PRRC2B: variants seen among roughly 807,000 people sequenced by gnomAD.
The protein encoded by PRRC2B is proline rich coiled-coil 2B.
A neutral mutation model predicts 242.3 loss-of-function variants in PRRC2B; 68 were observed. The ratio of observed to expected loss-of-function variants is 0.28; its 90% confidence interval spans 0.23 to 0.34. PRRC2B has a LOEUF of 0.34. Among genes scored for constraint, PRRC2B ranks in the 10% least tolerant of loss-of-function variants. The pLI is 1.00. For synonymous variants in PRRC2B, 1,228 were observed against 1,173.6 expected (o/e 1.05, Z -0.95); for missense variants, 2,835 against 2,954.8 (o/e 0.96, Z 0.94).
intron 9 of PRRC2B, 185 bp downstream of exon 9, chr9:131,447,989 G>T (rs1588256860): frequency 2.0e-6 from 1 of 489,408 alleles, no homozygotes; most frequent in East Asian, 3.2e-5. Flanking sequence ...GTTCCTTCCT[G>T]GCCAAGCCAT....
rs535175180 is a variant in PRRC2B at position 131,477,170 on chromosome 9, C to T, written c.4407-574C>T. ...GCACAGTCTGGGTTGACTGACTGCACTTGGCTTGTGCCTCGGACAGGGAGG... is the reference window on the plus strand; with the variant it reads ...GCACAGTCTGGGTTGACTGACTGCATTTGGCTTGTGCCTCGGACAGGGAGG... On this transcript the variant is annotated intron_variant, in intron 16 of 31. Coordinates refer to ENST00000683519, the MANE Select transcript of PRRC2B (RefSeq NM_013318.4). Among the ~76,000 whole-genome samples the T allele has an allele frequency of 1.4e-4, 21 of 152,332 alleles. No individual in the cohort carries two copies. The South Asian group carries it at 4.1e-3, about 30-fold the overall frequency.
intron 1 of PRRC2B, among the ~76,000 whole-genome samples, chr9:131,382,099 C>T (rs945867737): frequency 3.9e-5 from 6 of 152,128 alleles, no homozygotes; most frequent in Non-Finnish European, 8.8e-5. Flanking sequence ...TCACTGCAAC[C>T]TCCGCCTCCT....
rs144455890 is a variant in PRRC2B at position 131,387,220 on chromosome 9, C to T, written c.-56+13489C>T. On this transcript the variant is annotated intron_variant, in intron 1 of 1. Transcript: ENST00000682525. ...TTCTCCATGTTGGTCAGGCTGGTCT[C>T]GAACTCCCGATCTCAGGTGATCCGC... Among the ~76,000 whole-genome samples the T allele has an allele frequency of 8.7e-3, 1,306 of 150,374 alleles. 78 individuals carry two copies. Among genetic ancestry groups the T allele is most frequent in the Admixed American group, 0.014 (204 of 14,436 alleles).
At chr9:131,388,469 A>G (rs1836854731) in intron 1 of PRRC2B, among the ~76,000 whole-genome samples, 1 of 149,292 alleles carries the variant, frequency 6.7e-6, no homozygotes, top group South Asian at 2.1e-4. Flanking sequence ...TGAACTCCCA[A>G]CCTCAGGTGA....
chr9:131,499,103 A>G lies in PRRC2B; in HGVS notation c.*3229A>G, dbSNP rs1042876815. 1 of 152,228 alleles carries G rather than the reference A, an allele frequency of 6.6e-6. No individual in the cohort carries two copies. Among genetic ancestry groups the G allele is most frequent in the Non-Finnish European group, 1.5e-5 (1 of 68,044 alleles). 9.4% of individuals were successfully genotyped at this position (152,228 alleles called of 1,614,324 possible). A position where few individuals can be genotyped will look rare whatever the true frequency, so the allele number is the denominator to read the frequency against. On this transcript the variant is annotated 3_prime_UTR_variant, in exon 32 of 32. Transcript: ENST00000683519. ...ATTCAAGAAAATCAGTTCAGTTCCA[A>G]AGCTGTGGTCCTTCCAGCCACTTCT...
At chr9:131,450,267 A>ATTT in intron 9 of PRRC2B, among the ~76,000 whole-genome samples, 1 of 145,424 alleles carries the variant, frequency 6.9e-6, no homozygotes. Context: ...GACATCTTAA[A>ATTT]TTTTTTTTTT....
At chr9:131,420,592 A>G (rs1024222267) in intron 1 of PRRC2B, among the ~76,000 whole-genome samples, 3 of 147,424 alleles carry the variant, frequency 2.0e-5, no homozygotes, top group Non-Finnish European at 4.5e-5. Flanking sequence ...CTTGGGTTCA[A>G]GTGAGTCCTG....
chr9:131,438,720 G>T (rs1838458427), intron 4 of PRRC2B, among the ~76,000 whole-genome samples: 1 of 152,170 alleles, frequency 6.6e-6, no homozygotes, highest in Non-Finnish European at 1.5e-5. Context: ...CTGTGTCACT[G>T]TCTGTGTGAC....
chr9:131,402,840 C>T (rs538403443), intron 1 of PRRC2B, among the ~76,000 whole-genome samples: 41 of 152,306 alleles, frequency 2.7e-4, no homozygotes, highest in African/African-American at 8.7e-4. Context: ...GCCTGCTTTC[C>T]AGAGAGTGCC....
At position 131,406,101 on chromosome 9, in the gene PRRC2B, CG is replaced by C. The variant is rs151032636; in HGVS notation, c.-52+11843del. Among the ~76,000 whole-genome samples, 1,449 of 152,156 alleles carry C rather than the reference CG, an allele frequency of 9.5e-3. 32 individuals carry two copies. Among genetic ancestry groups the C allele is most frequent in the African/African-American group, 0.033 (1,373 of 41,532 alleles). ...CTGGATTCAGCCCTCCCCGGGGGCCCGGGGGTTTGGAGCAGGCAGGCTTTTG... is the reference window on the plus strand; with the variant it reads ...CTGGATTCAGCCCTCCCCGGGGGCCCGGGGTTTGGAGCAGGCAGGCTTTTG... On this transcript the variant is annotated intron_variant, in intron 1 of 31. Coordinates refer to ENST00000683519, the MANE Select transcript of PRRC2B (RefSeq NM_013318.4).
At chr9:131,399,976 C>T (rs1837185675) in intron 1 of PRRC2B, among the ~76,000 whole-genome samples, 1 of 152,184 alleles carries the variant, frequency 6.6e-6, no homozygotes, top group South Asian at 2.1e-4. Flanking sequence ...AGTGGAATTT[C>T]TGGGGTCAGA....
intron 1 of PRRC2B, among the ~76,000 whole-genome samples, chr9:131,385,375 A>G (rs1180919041): frequency 3.3e-5 from 5 of 149,512 alleles, no homozygotes; most frequent in Non-Finnish European, 5.9e-5. Context: ...GGGTCCCCCA[A>G]ATGTCCTGGG....
chr9:131,460,256 G>A (rs1452382172), intron 11 of PRRC2B, among the ~76,000 whole-genome samples: 4 of 152,086 alleles, frequency 2.6e-5, no homozygotes, highest in African/African-American at 7.2e-5. Context: ...GTCCTTACTC[G>A]AAATAATCCA....
chr9:131,467,445 T>A lies in PRRC2B; in HGVS notation c.1721-118T>A, dbSNP rs1037642050. The stretch of plus-strand genomic sequence containing the variant: ...GGCACAGGGCCAGGGTTCAGGGACG[T>A]GACTGTTCTAGCAGTGGAGCGTACG... On this transcript the variant is annotated intron_variant, in intron 12 of 31. Coordinates refer to ENST00000683519, the MANE Select transcript of PRRC2B (RefSeq NM_013318.4). 9.0e-6 allele frequency: 8 copies of A among 890,112 alleles called. No homozygotes were observed. In the East Asian group the frequency reaches 1.9e-4, roughly 21 times the overall value. 55.1% of individuals were successfully genotyped at this position (890,112 alleles called of 1,614,324 possible). A position where few individuals can be genotyped will look rare whatever the true frequency, so the allele number is the denominator to read the frequency against.
At chr9:131,495,332 C>T (rs985174437) in intron 31 of PRRC2B, among the ~76,000 whole-genome samples, 5 of 151,956 alleles carry the variant, frequency 3.3e-5, no homozygotes, top group African/African-American at 7.3e-5. Context: ...AGCAGACAGT[C>T]GGGGGCTCCG....
At position 131,447,294 on chromosome 9, in the gene PRRC2B, G is replaced by T. The variant is rs139101563; in HGVS notation, c.977+88G>T. ...TGAGGGGCTGATGAATAGAAGTGCT[G>T]TGTCTCCTGGAGACCACAGAGAACT... On this transcript the variant is annotated intron_variant, in intron 8 of 31. Coordinates refer to ENST00000683519, the MANE Select transcript of PRRC2B (RefSeq NM_013318.4). 1,771 of 1,520,208 alleles carry T rather than the reference G, an allele frequency of 1.2e-3. 19 individuals are homozygous for T. The African/African-American group carries it at 0.021, about 18-fold the overall frequency. 94.2% of individuals were successfully genotyped at this position (1,520,208 alleles called of 1,614,324 possible).
At position 131,474,585 on chromosome 9, in the gene PRRC2B, G is replaced by A. The variant is rs775064541; in HGVS notation, c.2456G>A (p.Cys819Tyr). 8 of 1,614,016 alleles carry A rather than the reference G, an allele frequency of 5.0e-6. No homozygotes were observed. Among genetic ancestry groups the A allele is most frequent in the Non-Finnish European group, 6.8e-6 (8 of 1,179,902 alleles). ...DKKAQADFDS[C>Y]ISSQRIGQEL... The stretch of plus-strand genomic sequence containing the variant: ...AAGGCCCAAGCAGACTTTGACAGCT[G>A]TATCTCTTCTCAAAGAATAGGCCAG... Residue 819 changes from cysteine to tyrosine, a missense_variant, in exon 16 of 32, where the codon TGT (cysteine) becomes TAT (tyrosine). Cys to Tyr is a radical substitution (Grantham distance 194). Around this residue, in one of 7 missense-constraint regions of PRRC2B, gnomAD observed 1,536 missense variants for 1,483.1 expected, o/e 1.04. Transcript: ENST00000683519.
chr9:131,395,700 A>G (rs549300744), intron 1 of PRRC2B, among the ~76,000 whole-genome samples: 3 of 152,318 alleles, frequency 2.0e-5, no homozygotes, highest in African/African-American at 4.8e-5. Flanking sequence ...CATGGATGCC[A>G]CAGGTGCTGG....
chr9:131,452,706 A>T (rs1942959151), intron 9 of PRRC2B, among the ~76,000 whole-genome samples: 1 of 152,092 alleles, frequency 6.6e-6, no homozygotes, highest in African/African-American at 2.4e-5. Flanking sequence ...ATCTATTTTA[A>T]ATGATTTTTT....
Sources: allele counts gnomAD v4.1 joint callset (sites outside exome capture counted in the v4.1 genomes callset), GRCh38; gene constraint gnomAD v4.1.1; regional missense constraint gnomAD v4.1.1; transcripts MANE v1.5; gene names NCBI Gene and HGNC (gene_info 2026-07-23, HGNC 2026-07-21).